Variants in C8orf34 observed in about 807,000 individuals in gnomAD.
C8orf34 encodes uncharacterized protein C8orf34.
C8orf34 carries 65 observed loss-of-function variants against 68.3 expected under a neutral mutation model. The observed-to-expected ratio is 0.95, with a 90% CI of 0.78 to 1.17. C8orf34 has a LOEUF of 1.17. Among genes scored for constraint, C8orf34 ranks in the 50% most tolerant of loss-of-function variants. The pLI, the probability that C8orf34 is intolerant of heterozygous loss-of-function variation, is 0.00. For missense variants in C8orf34, 664 were observed against 655.4 expected (o/e 1.01, Z -0.14); for synonymous variants, 244 against 241.2 (o/e 1.01, Z -0.11).
intron 3 of C8orf34, among the ~76,000 whole-genome samples, chr8:68,461,802 G>A (rs1237820812): frequency 6.6e-6 from 1 of 152,098 alleles, no homozygotes; most frequent in African/African-American, 2.4e-5. Context: ...CACTAAACAT[G>A]GAAAGGAACA....
chr8:68,815,862 A>T (rs374824385), intron 12 of C8orf34, 24 bp from the exon 13 acceptor site: 2 of 1,613,576 alleles, frequency 1.2e-6, no homozygotes, highest in African/African-American at 1.3e-5. Context: ...CTGGCATATT[A>T]TCTCTGTTTC....
chr8:68,461,136 T>A (rs1811801742), intron 3 of C8orf34, among the ~76,000 whole-genome samples: 2 of 152,012 alleles, frequency 1.3e-5, no homozygotes, highest in African/African-American at 2.4e-5. Context: ...GAGAACTACG[T>A]GAAGAATGCA....
At chr8:68,529,222 AGAAT>A (rs1029315313) in intron 6 of C8orf34, among the ~76,000 whole-genome samples, 61 of 152,352 alleles carry the variant, frequency 4.0e-4, no homozygotes, top group Non-Finnish European at 2.1e-4. Flanking sequence ...TTTTCCAAAT[AGAAT>A]GTTATTCCCA....
At chr8:68,761,388 A>G (rs910671190) in intron 10 of C8orf34, among the ~76,000 whole-genome samples, 10 of 152,124 alleles carry the variant, frequency 6.6e-5, no homozygotes, top group African/African-American at 2.4e-4. Flanking sequence ...GCTCCCACTC[A>G]TATTTTATTA....
intron 10 of C8orf34, among the ~76,000 whole-genome samples, chr8:68,750,217 C>G (rs1165752841): frequency 1.3e-5 from 2 of 152,026 alleles, no homozygotes; most frequent in Non-Finnish European, 2.9e-5. Flanking sequence ...CTGTAAATAA[C>G]CCAACATACA....
At chr8:68,437,104 C>T (rs1452148421) in intron 1 of C8orf34, among the ~76,000 whole-genome samples, 2 of 152,214 alleles carry the variant, frequency 1.3e-5, no homozygotes, top group African/African-American at 4.8e-5. Flanking sequence ...CACGATTGAA[C>T]TTGTCCTGTG....
chr8:68,443,714 C>T (rs967835686), intron 2 of C8orf34, among the ~76,000 whole-genome samples: 29 of 152,098 alleles, frequency 1.9e-4, no homozygotes, highest in Non-Finnish European at 2.9e-4. Context: ...CCTGGTGCAT[C>T]TTTTAATTAG....
chr8:68,746,188 G>C (rs1214854662), intron 10 of C8orf34, among the ~76,000 whole-genome samples: 1 of 152,078 alleles, frequency 6.6e-6, no homozygotes, highest in East Asian at 1.9e-4. Flanking sequence ...TGAAACCAAT[G>C]AGAACAAACA....
chr8:68,462,967 C>T (rs1258691611), intron 3 of C8orf34, among the ~76,000 whole-genome samples: 2 of 151,956 alleles, frequency 1.3e-5, no homozygotes, highest in African/African-American at 2.4e-5. Flanking sequence ...GAAATAGAGA[C>T]ACAGAAAACC....
At chr8:68,772,848 T>C (rs1255320647) in intron 10 of C8orf34, among the ~76,000 whole-genome samples, 3 of 150,898 alleles carry the variant, frequency 2.0e-5, no homozygotes, top group Non-Finnish European at 4.4e-5. Context: ...TCTTTCTCTC[T>C]TTCTCTCCTT....
intron 7 of C8orf34, among the ~76,000 whole-genome samples, chr8:68,609,477 G>A (rs138972095): frequency 6.6e-6 from 1 of 152,240 alleles, no homozygotes; most frequent in East Asian, 1.9e-4. Context: ...AGAGCTACAA[G>A]GAAATCAAGA....
At position 68,552,068 on chromosome 8, in the gene C8orf34, A is replaced by G. The variant is rs543473749; in HGVS notation, c.1105+18919A>G. On this transcript the variant is annotated intron_variant, in intron 7 of 13. Transcript: ENST00000518698. ...GTTTGAGTTTATTTCTGGACTCTCA[A>G]TTTTATTCCAGTGACGTACATGTCT... Among the ~76,000 whole-genome samples, 413 of 152,216 alleles carry G rather than the reference A, an allele frequency of 2.7e-3. 3 individuals are homozygous for G. Among genetic ancestry groups the G allele is most frequent in the African/African-American group, 9.4e-3 (392 of 41,552 alleles).
chr8:68,625,458 C>T (rs1386231794), intron 7 of C8orf34: 2 of 560,672 alleles, frequency 3.6e-6, no homozygotes, highest in Non-Finnish European at 6.5e-6. Context: ...GGCAACTCTC[C>T]AAGAAAATGA....
intron 7 of C8orf34, among the ~76,000 whole-genome samples, chr8:68,608,478 T>C (rs1190869241): frequency 6.6e-6 from 1 of 151,708 alleles, no homozygotes; most frequent in African/African-American, 2.4e-5. Context: ...GAGAGAATTC[T>C]TAAGTGGAGG....
intron 1 of C8orf34, among the ~76,000 whole-genome samples, chr8:68,407,568 T>A (rs1246666468): frequency 2.0e-5 from 3 of 152,170 alleles, no homozygotes; most frequent in African/African-American, 4.8e-5. Flanking sequence ...TACTCATGGG[T>A]CTGTTCGTGA....
At chr8:68,697,717 C>A (rs957494019) in intron 8 of C8orf34, among the ~76,000 whole-genome samples, 9 of 152,112 alleles carry the variant, frequency 5.9e-5, no homozygotes, top group Admixed American at 1.3e-4. Context: ...GATTTCCTGA[C>A]TCTTGGCAGA....
chr8:68,527,538 C>T (rs1460344679), intron 6 of C8orf34, among the ~76,000 whole-genome samples: 3 of 152,140 alleles, frequency 2.0e-5, no homozygotes, highest in Non-Finnish European at 4.4e-5. Flanking sequence ...TGCCACTGCA[C>T]TCCAGGCTGG....
At chr8:68,581,009 A>G (rs1187097419) in intron 7 of C8orf34, among the ~76,000 whole-genome samples, 1 of 152,170 alleles carries the variant, frequency 6.6e-6, no homozygotes, top group Non-Finnish European at 1.5e-5. Flanking sequence ...GTGGTGGAAG[A>G]AAAAGTCTTC....
chr8:68,760,109 G>A (rs1822980842), intron 10 of C8orf34, among the ~76,000 whole-genome samples: 1 of 152,160 alleles, frequency 6.6e-6, no homozygotes, highest in African/African-American at 2.4e-5. Context: ...TTGGCCTGTG[G>A]CTTGATAGTG....
Sources: allele counts gnomAD v4.1 joint callset (sites outside exome capture counted in the v4.1 genomes callset), GRCh38; gene constraint gnomAD v4.1.1; transcripts MANE v1.5; gene names NCBI Gene and HGNC (gene_info 2026-07-23, HGNC 2026-07-21).